FHIT: variants seen among roughly 807,000 people sequenced by gnomAD.
The protein encoded by FHIT is fragile histidine triad diadenosine triphosphatase, also known as bis(5'-adenosyl)-triphosphatase.
A neutral mutation model predicts 17.9 loss-of-function variants in FHIT; 19 were observed. The observed-to-expected ratio is 1.06, with a 90% CI of 0.74 to 1.56. The LOEUF (loss-of-function observed/expected upper bound fraction) is 1.56, where lower values mean the gene tolerates loss of function less well. FHIT is among the 40% of genes most tolerant of loss of function. The pLI is 0.00. For missense variants in FHIT, 248 were observed against 189.2 expected (o/e 1.31, Z -1.82); for synonymous variants, 81 against 69.7 (o/e 1.16, Z -0.81).
At chr3:59,921,215 T>C (rs1242536499) in intron 8 of FHIT, among the ~76,000 whole-genome samples, 1 of 152,224 alleles carries the variant, frequency 6.6e-6, no homozygotes, top group Non-Finnish European at 1.5e-5. Context: ...TACGTTTCAT[T>C]ATTAACTGCT....
chr3:60,309,130 A>C (rs1399299725), intron 5 of FHIT, among the ~76,000 whole-genome samples: 1 of 152,144 alleles, frequency 6.6e-6, no homozygotes, highest in African/African-American at 2.4e-5. Flanking sequence ...ATGTTCTGTC[A>C]GGGAAGTGCT....
chr3:61,235,188 C>T (rs906766245), intron 1 of FHIT, among the ~76,000 whole-genome samples: 1 of 152,114 alleles, frequency 6.6e-6, no homozygotes, highest in Non-Finnish European at 1.5e-5. Flanking sequence ...TTTTTGCCAC[C>T]TAAGGACATT....
intron 5 of FHIT, among the ~76,000 whole-genome samples, chr3:60,404,490 T>C (rs1467742262): frequency 6.6e-6 from 1 of 152,204 alleles, no homozygotes; most frequent in Non-Finnish European, 1.5e-5. Flanking sequence ...AAATAAGGTT[T>C]GAAGTCACTT....
At chr3:60,690,731 C>T (rs1318405800) in intron 4 of FHIT, 19 of 407,628 alleles carry the variant, frequency 4.7e-5, no homozygotes, top group Middle Eastern at 4.1e-4. Flanking sequence ...GCTGGTAATA[C>T]GGGGCTCCCA....
intron 5 of FHIT, among the ~76,000 whole-genome samples, chr3:60,060,719 C>A (rs1702262833): frequency 6.6e-6 from 1 of 152,146 alleles, no homozygotes; most frequent in Non-Finnish European, 1.5e-5. Flanking sequence ...AGTATAATGA[C>A]TTTTCTCCCC....
intron 5 of FHIT, among the ~76,000 whole-genome samples, chr3:60,457,488 A>C (rs2032178465): frequency 6.6e-6 from 1 of 151,898 alleles, no homozygotes; most frequent in African/African-American, 2.4e-5. Context: ...CTAGAAGAAA[A>C]CCTAGGCAAT....
chr3:60,648,097 A>G (rs1322369141), intron 4 of FHIT, among the ~76,000 whole-genome samples: 4 of 152,112 alleles, frequency 2.6e-5, no homozygotes, highest in African/African-American at 9.7e-5. Flanking sequence ...AAATGAGAGG[A>G]CAGAGGATAG....
In FHIT at chr3:59,784,260, C is replaced by T. The variant is rs138811628; in HGVS notation, c.349-31939G>A. Among the ~76,000 whole-genome samples, 992 of 152,284 alleles carry T rather than the reference C, an allele frequency of 6.5e-3. 8 individuals carry two copies. Among genetic ancestry groups the T allele is most frequent in the African/African-American group, 0.022 (923 of 41,566 alleles). On this transcript the variant is annotated intron_variant, in intron 8 of 9. Coordinates refer to ENST00000492590, the MANE Select transcript of FHIT (RefSeq NM_002012.4). ...TTCTAGGTCTTGCCACTATTTTCTTCCTCCTGGATTCTCCCAAGAGCCTAT... is the reference window on the plus strand; with the variant it reads ...TTCTAGGTCTTGCCACTATTTTCTTTCTCCTGGATTCTCCCAAGAGCCTAT...
At chr3:60,121,740 A>ACACACATT (rs1705266965) in intron 5 of FHIT, among the ~76,000 whole-genome samples, 1 of 148,522 alleles carries the variant, frequency 6.7e-6, no homozygotes, top group Non-Finnish European at 1.5e-5. Context: ...ACACACACAC[A>ACACACATT]CACACATTAG....
intron 5 of FHIT, among the ~76,000 whole-genome samples, chr3:60,097,464 T>A (rs1417185997): frequency 6.6e-6 from 1 of 152,114 alleles, no homozygotes; most frequent in Non-Finnish European, 1.5e-5. Context: ...CAGGTCTACC[T>A]TGAACAACAT....
intron 5 of FHIT, among the ~76,000 whole-genome samples, chr3:60,483,634 C>T (rs2033713472): frequency 6.6e-6 from 1 of 152,114 alleles, no homozygotes; most frequent in Non-Finnish European, 1.5e-5. Flanking sequence ...AACATCCCTT[C>T]GTGTTAAAAA....
At chr3:59,941,523 G>T (rs1446307238) in intron 7 of FHIT, among the ~76,000 whole-genome samples, 1 of 152,150 alleles carries the variant, frequency 6.6e-6, no homozygotes, top group Non-Finnish European at 1.5e-5. Context: ...CTGACACATT[G>T]CATAGACTCC....
intron 3 of FHIT, among the ~76,000 whole-genome samples, chr3:60,836,760 A>G (rs557433752): frequency 1.9e-4 from 29 of 152,296 alleles, no homozygotes; most frequent in Middle Eastern, 3.4e-3. Context: ...ATTCCCGCCC[A>G]AAGCAATCAC....
intron 3 of FHIT, among the ~76,000 whole-genome samples, chr3:61,023,387 A>T (rs917666191): frequency 2.6e-5 from 4 of 152,208 alleles, no homozygotes; most frequent in Non-Finnish European, 4.4e-5. Flanking sequence ...ATGGATAGGA[A>T]AAATCAATAT....
At chr3:60,768,685 C>T (rs571501887) in intron 4 of FHIT, among the ~76,000 whole-genome samples, 216 of 152,320 alleles carry the variant, frequency 1.4e-3, no homozygotes, top group African/African-American at 4.9e-3. Context: ...TGCAGGCCAA[C>T]GGGCTACGAG....
At chr3:59,862,823 A>C (rs1215941174) in intron 8 of FHIT, among the ~76,000 whole-genome samples, 1 of 152,210 alleles carries the variant, frequency 6.6e-6, no homozygotes, top group African/African-American at 2.4e-5. Flanking sequence ...TACGTTTCCC[A>C]GTTATTCCTC....
intron 7 of FHIT, among the ~76,000 whole-genome samples, chr3:59,996,060 G>T (rs1699497104): frequency 6.6e-6 from 1 of 152,064 alleles, no homozygotes. Context: ...AGAAATTGAA[G>T]TGGGCATGTA....
At chr3:60,568,243 G>A (rs1160940862) in intron 4 of FHIT, among the ~76,000 whole-genome samples, 1 of 152,174 alleles carries the variant, frequency 6.6e-6, no homozygotes, top group Non-Finnish European at 1.5e-5. Flanking sequence ...TTAACAAAAT[G>A]TGGCACACAT....
chr3:60,030,714 CAATGGATG>C (rs1477276200), intron 5 of FHIT, among the ~76,000 whole-genome samples: 1 of 151,954 alleles, frequency 6.6e-6, no homozygotes, highest in African/African-American at 2.4e-5. Context: ...ATTGGTGGGT[CAATGGATG>C]GATGGATGGC....
Sources: gnomAD v4.1 joint callset for allele counts (sites outside exome capture counted in the v4.1 genomes callset) on GRCh38, gnomAD v4.1.1 for gene constraint, MANE v1.5 for transcripts, NCBI Gene and HGNC (gene_info 2026-07-23, HGNC 2026-07-21) for gene names.